Variants in CNTN5 observed in about 807,000 individuals in gnomAD.
The protein encoded by CNTN5 is contactin-5.
A neutral mutation model predicts 129.1 loss-of-function variants in CNTN5; 77 were observed. The observed-to-expected ratio is 0.60, with a 90% CI of 0.50 to 0.72. CNTN5 has a LOEUF of 0.72. Among genes scored for constraint, CNTN5 ranks in the 30% least tolerant of loss-of-function variants. The pLI is 0.00. For synonymous variants in CNTN5, 509 were observed against 465.6 expected (o/e 1.09, Z -1.20); for missense variants, 1,478 against 1,328.8 (o/e 1.11, Z -1.75).
At chr11:99,649,091 A>G (rs1952065958) in intron 3 of CNTN5, among the ~76,000 whole-genome samples, 1 of 151,804 alleles carries the variant, frequency 6.6e-6, no homozygotes, top group Non-Finnish European at 1.5e-5. Context: ...ATATTTGAGA[A>G]TCTTGATATG....
chr11:99,867,299 C>T (rs1948382692), intron 6 of CNTN5, among the ~76,000 whole-genome samples: 1 of 152,162 alleles, frequency 6.6e-6, no homozygotes, highest in Admixed American at 6.5e-5. Flanking sequence ...TTATTGAGTA[C>T]CTACTATGCG....
At chr11:100,193,785 A>C (rs1948562865) in intron 15 of CNTN5, 122 bp downstream of exon 15, 1 of 740,142 alleles carries the variant, frequency 1.4e-6, no homozygotes, top group African/African-American at 1.8e-5. Context: ...ACTTGATAAA[A>C]ACAATTACTT....
chr11:100,009,150 C>CTTT (rs1940365160), intron 9 of CNTN5, among the ~76,000 whole-genome samples: 2 of 152,064 alleles, frequency 1.3e-5, no homozygotes, highest in African/African-American at 4.8e-5. Context: ...TACTAAAAAG[C>CTTT]CATAAGCTGC....
chr11:99,385,337 C>A (rs1469641703), intron 2 of CNTN5, among the ~76,000 whole-genome samples: 1 of 152,052 alleles, frequency 6.6e-6, no homozygotes, highest in Non-Finnish European at 1.5e-5. Context: ...CACTGCCAGT[C>A]TCAAAAGTAA....
At chr11:99,559,395 T>C (rs1275929543) in intron 3 of CNTN5, among the ~76,000 whole-genome samples, 1 of 152,158 alleles carries the variant, frequency 6.6e-6, no homozygotes, top group Non-Finnish European at 1.5e-5. Context: ...CCTAACTCTA[T>C]GTTTGAAAAC....
chr11:99,027,840 AC>A (rs1863170758), intron 1 of CNTN5, among the ~76,000 whole-genome samples: 1 of 151,804 alleles, frequency 6.6e-6, no homozygotes, highest in South Asian at 2.1e-4. Context: ...AAGTTTTAAG[AC>A]TTTTTCTTTA....
At chr11:100,347,084 T>C (rs531628725) in intron 23 of CNTN5, among the ~76,000 whole-genome samples, 1 of 152,236 alleles carries the variant, frequency 6.6e-6, no homozygotes, top group East Asian at 1.9e-4. Flanking sequence ...TTGTGGGAAC[T>C]ACAATTCAAG....
At chr11:99,558,588 G>A (rs1257005262) in intron 3 of CNTN5, among the ~76,000 whole-genome samples, 1 of 151,854 alleles carries the variant, frequency 6.6e-6, no homozygotes, top group Non-Finnish European at 1.5e-5. Context: ...AACAGTCCCT[G>A]CAAAAGAGCT....
intron 3 of CNTN5, among the ~76,000 whole-genome samples, chr11:99,676,247 G>T (rs1953277891): frequency 1.3e-5 from 2 of 152,104 alleles, no homozygotes; most frequent in African/African-American, 4.8e-5. Flanking sequence ...ATATCTTAAA[G>T]ATTTAATATA....
At chr11:99,760,817 T>C (rs555591230) in intron 3 of CNTN5, among the ~76,000 whole-genome samples, 1 of 152,216 alleles carries the variant, frequency 6.6e-6, no homozygotes, top group African/African-American at 2.4e-5. Flanking sequence ...AATAGTGAAA[T>C]ATTACTATTT....
In CNTN5 at chr11:100,339,961, C is replaced by T. The variant is rs569792440; in HGVS notation, c.2731-502C>T. Reference sequence around the variant, plus strand: ...AGATCCTGACAATGCTGTTTCTCTACATTCAAACCATTCCAGAGTATCCAG... The same window carrying T: ...AGATCCTGACAATGCTGTTTCTCTATATTCAAACCATTCCAGAGTATCCAG... On this transcript the variant is annotated intron_variant, in intron 21 of 24. Coordinates refer to ENST00000524871, the MANE Select transcript of CNTN5 (RefSeq NM_014361.4). 5.3e-5 allele frequency among the ~76,000 whole-genome samples: 8 copies of T among 152,294 alleles called. No individual in the cohort carries two copies. The South Asian group carries it at 1.4e-3, about 28-fold the overall frequency.
rs931795683 is a variant in CNTN5, at chr11:99,548,417, A to G, written c.-70-7728A>G. ...CTGAACATAAAAGCAAAGTTGAAAAATTACCTGATTGGCTACAGCTAAGTG... is the reference window on the plus strand; with the variant it reads ...CTGAACATAAAAGCAAAGTTGAAAAGTTACCTGATTGGCTACAGCTAAGTG... On this transcript the variant is annotated intron_variant, in intron 2 of 24. Coordinates refer to ENST00000524871, the MANE Select transcript of CNTN5 (RefSeq NM_014361.4). Among the ~76,000 whole-genome samples the G allele has an allele frequency of 1.4e-3, 209 of 152,344 alleles. 3 individuals are homozygous for G. The highest frequency in any genetic ancestry group is 3.7e-4 in the Non-Finnish European group (25 of 68,030).
At chr11:99,612,919 C>T (rs1259870982) in intron 3 of CNTN5, among the ~76,000 whole-genome samples, 1 of 152,168 alleles carries the variant, frequency 6.6e-6, no homozygotes, top group African/African-American at 2.4e-5. Flanking sequence ...GGGCAAGGAA[C>T]TGAGAGCACT....
At chr11:100,050,255 G>A (rs1192822722) in intron 9 of CNTN5, among the ~76,000 whole-genome samples, 5 of 152,160 alleles carry the variant, frequency 3.3e-5, no homozygotes, top group Non-Finnish European at 7.3e-5. Flanking sequence ...ACTGGATTAA[G>A]AAAATGTGGC....
intron 17 of CNTN5, among the ~76,000 whole-genome samples, chr11:100,269,891 A>C (rs1950376678): frequency 6.6e-6 from 1 of 152,108 alleles, no homozygotes; most frequent in Non-Finnish European, 1.5e-5. Flanking sequence ...TCTGGGCTAG[A>C]GAAGGCTGAG....
chr11:99,963,775 T>C (rs1349771492), intron 8 of CNTN5, among the ~76,000 whole-genome samples: 1 of 152,226 alleles, frequency 6.6e-6, no homozygotes, highest in African/African-American at 2.4e-5. Flanking sequence ...CAATATTGAT[T>C]CTTCCTACCC....
chr11:100,245,389 CAAG>C (rs533222365), intron 16 of CNTN5, among the ~76,000 whole-genome samples: 36 of 152,210 alleles, frequency 2.4e-4, no homozygotes, highest in African/African-American at 8.2e-4. Flanking sequence ...GTCTCTGTCA[CAAG>C]AAGATTGCCG....
Position 100,358,458 on chromosome 11 carries a change from T to C in CNTN5, c.*2238T>C, listed in dbSNP as rs1952573823. On this transcript the variant is annotated 3_prime_UTR_variant, in exon 25 of 25. Transcript: ENST00000524871. Reference sequence around the variant, plus strand: ...GAATATGTATTTTGCATCATAAACCTATTTAAAAAACAGGTTTTCAATGTT... The same window carrying C: ...GAATATGTATTTTGCATCATAAACCCATTTAAAAAACAGGTTTTCAATGTT... The C allele has an allele frequency of 6.6e-6, 1 of 151,930 alleles. No homozygotes were observed. The highest frequency in any genetic ancestry group is 6.6e-5 in the Admixed American group (1 of 15,216). The allele number at this position is 151,930 out of a possible 1,614,324, so 9.4% of individuals were successfully genotyped here.
rs141957983 is a variant in CNTN5, at chr11:100,231,726, A to T, written c.2005+6914A>T. ...TAAGTGGATTTGTAGTAAAGGAATAACATTTAGGGTTCTCCATTCTATTCT... is the reference window on the plus strand; with the variant it reads ...TAAGTGGATTTGTAGTAAAGGAATATCATTTAGGGTTCTCCATTCTATTCT... On this transcript the variant is annotated intron_variant, in intron 16 of 24. Transcript: ENST00000524871. Among the ~76,000 whole-genome samples, 17 of 152,338 alleles carry T rather than the reference A, an allele frequency of 1.1e-4. No individual in the cohort carries two copies. The East Asian group carries it at 3.3e-3, about 29-fold the overall frequency.
Sources: gnomAD v4.1 joint callset for allele counts (sites outside exome capture counted in the v4.1 genomes callset) on GRCh38, gnomAD v4.1.1 for gene constraint, MANE v1.5 for transcripts, NCBI Gene and HGNC (gene_info 2026-07-23, HGNC 2026-07-21) for gene names.